The following MYB variants were observed in gnomAD, a reference collection of about 807,000 sequenced individuals.
The protein encoded by MYB is transcriptional activator Myb.
A neutral mutation model predicts 92.9 loss-of-function variants in MYB; 28 were observed. The observed-to-expected ratio is 0.30, with a 90% CI of 0.22 to 0.41. The LOEUF (loss-of-function observed/expected upper bound fraction) is 0.41, where lower values mean the gene tolerates loss of function less well. Ranked by LOEUF, MYB falls within the 10% of genes least tolerant of loss-of-function variation. The pLI, the probability that MYB is intolerant of heterozygous loss-of-function variation, is 1.00. For synonymous variants in MYB, 295 were observed against 329.1 expected, an observed-to-expected ratio of 0.90 and a Z score of 1.12; for missense variants, 679 against 929.3, an observed-to-expected ratio of 0.73 and a Z score of 3.50.
At chr6:135,194,797 G>A (rs1416034471) in intron 8 of MYB, 1 of 720,006 alleles carries the variant, frequency 1.4e-6, no homozygotes, top group Non-Finnish European at 2.1e-6. Flanking sequence ...TATCTATATG[G>A]TACCATTTTG....
At position 135,182,208 on chromosome 6, in the gene MYB, G is replaced by A. The variant is rs1260669109; in HGVS notation, c.23+672G>A. Among the ~76,000 whole-genome samples, 3 of 152,200 alleles carry A rather than the reference G, an allele frequency of 2.0e-5. No homozygotes were observed. The highest frequency in any genetic ancestry group is 7.2e-5 in the African/African-American group (3 of 41,452). ...CATTGCACGCGCACCCACACGCGCC[G>A]CCGTCGCACATGTCACTGCACTTAG... On this transcript the variant is annotated intron_variant, in intron 1 of 15. Coordinates refer to ENST00000341911, the MANE Select transcript of MYB (RefSeq NM_001130173.2). The surrounding 1 kb of genome is among the most constrained non-coding windows in gnomAD (Gnocchi z 5.6).
At chr6:135,207,394 T>C (rs907783206) in intron 15 of MYB, among the ~76,000 whole-genome samples, 3 of 152,236 alleles carry the variant, frequency 2.0e-5, no homozygotes, top group Non-Finnish European at 2.9e-5. Flanking sequence ...CTAAATAACT[T>C]AGGTTCAAGA....
At chr6:135,205,199 C>T (rs181528688) in intron 15 of MYB, among the ~76,000 whole-genome samples, 1 of 151,308 alleles carries the variant, frequency 6.6e-6, no homozygotes, top group Non-Finnish European at 1.5e-5. Flanking sequence ...TTCCTGAAAG[C>T]TGTTCTTAGG....
At chr6:135,196,765 C>T in intron 9 of MYB, 196 bp from the exon 10 acceptor site, 1 of 1,530,014 alleles carries the variant, frequency 6.5e-7, no homozygotes, top group South Asian at 1.2e-5. Context: ...CATCAGAGGG[C>T]CAGCCTTGAG....
chr6:135,201,670 T>A lies in MYB; in HGVS notation c.1982T>A (p.Phe661Tyr), dbSNP rs771972764. The change falls in exon 14 of 16, where the codon TTC (phenylalanine) becomes TAC (tyrosine). Residue 661 changes from phenylalanine (F) to tyrosine (Y), a missense_variant. Phe to Tyr is a conservative substitution (Grantham distance 22). Around this residue, in one of 8 missense-constraint regions of MYB, gnomAD observed 402 missense variants for 434.2 expected, o/e 0.93. Coordinates refer to ENST00000341911, the MANE Select transcript of MYB (RefSeq NM_001130173.2). ...TCTCCAACTGATAAATCAGGAAACT[T>A]CTTCTGCTCACACCACTGGGAAGGG... The part of the protein sequence containing the change: ...VESPTDKSGN[F>Y]FCSHHWEGDS... The A allele has an allele frequency of 6.9e-6, 11 of 1,603,952 alleles. No homozygotes were observed. Among genetic ancestry groups the A allele is most frequent in the African/African-American group, 1.3e-5 (1 of 74,374 alleles).
At chr6:135,211,220 C>G (rs2128317872) in intron 15 of MYB, among the ~76,000 whole-genome samples, 1 of 149,722 alleles carries the variant, frequency 6.7e-6, no homozygotes, top group East Asian at 1.9e-4. Context: ...CCCCTGGATG[C>G]CTGCACACTC....
chr6:135,185,535 T>C (rs917466787), intron 1 of MYB, among the ~76,000 whole-genome samples: 2 of 152,256 alleles, frequency 1.3e-5, no homozygotes, highest in African/African-American at 2.4e-5. Context: ...TGCACTTATA[T>C]AAAGGACATG....
In MYB at chr6:135,196,735, G is replaced by GCTT. The variant is rs1777371106; in HGVS notation, c.1204-226_1204-225insCTT. 4.0e-6 allele frequency: 6 copies of GCTT among 1,505,136 alleles called. No homozygotes were observed. In the African/African-American group the frequency reaches 8.3e-5, roughly 21 times the overall value. 93.2% of individuals were successfully genotyped at this position (1,505,136 alleles called of 1,614,324 possible). A position where few individuals can be genotyped will look rare whatever the true frequency, so the allele number is the denominator to read the frequency against. On this transcript the variant is annotated intron_variant, in intron 9 of 15. Coordinates refer to ENST00000341911, the MANE Select transcript of MYB (RefSeq NM_001130173.2). ...TTTCCATTGCATGCAGATGTAGAGT[G>GCTT]TCGGGAGGTCCCTGCAGCACATCAG...
At chr6:135,212,813 CAA>C (rs1289247382) in intron 15 of MYB, among the ~76,000 whole-genome samples, 1 of 152,156 alleles carries the variant, frequency 6.6e-6, no homozygotes, top group African/African-American at 2.4e-5. Context: ...GGAGAATTTG[CAA>C]AGATATGTAT....
chr6:135,191,811 A>G (rs1342498773), intron 5 of MYB, among the ~76,000 whole-genome samples: 2 of 152,166 alleles, frequency 1.3e-5, no homozygotes, highest in South Asian at 2.1e-4. Context: ...TGGCTTTCAA[A>G]GAGTAGGAGG....
chr6:135,203,957 A>G lies in MYB; in HGVS notation c.2169+633A>G, dbSNP rs200058346. 6 of 1,073,256 alleles carry G rather than the reference A, an allele frequency of 5.6e-6. No individual in the cohort carries two copies. In the East Asian group the frequency reaches 3.7e-4, roughly 67 times the overall value. 66.5% of individuals were successfully genotyped at this position (1,073,256 alleles called of 1,614,324 possible). ...CCAAATTAATCCTGAGCCAAATGTA[A>G]ATAAGAATGCAAATTTTGCTTCCCT... is the stretch of plus-strand genomic sequence containing the variant. On this transcript the variant is annotated intron_variant, in intron 15 of 15. Coordinates refer to ENST00000341911, the MANE Select transcript of MYB (RefSeq NM_001130173.2).
At chr6:135,194,757 A>T (rs1777068741) in intron 8 of MYB, 1 of 609,116 alleles carries the variant, frequency 1.6e-6, no homozygotes, top group African/African-American at 1.9e-5. Flanking sequence ...GATAAAATGA[A>T]TGAAAATCTG....
At chr6:135,209,199 C>A (rs1297677680) in intron 15 of MYB, among the ~76,000 whole-genome samples, 2 of 152,036 alleles carry the variant, frequency 1.3e-5, no homozygotes, top group Non-Finnish European at 2.9e-5. Flanking sequence ...TAAGTCTGTC[C>A]ATTGTTATGT....
chr6:135,215,740 C>T (rs1780343882), intron 15 of MYB, among the ~76,000 whole-genome samples: 1 of 152,056 alleles, frequency 6.6e-6, no homozygotes, highest in African/African-American at 2.4e-5. Context: ...GGATGACATC[C>T]CTGCGTTTCC....
chr6:135,201,535 A>G, intron 13 of MYB, 104 bp from the exon 14 acceptor site: 1 of 627,944 alleles, frequency 1.6e-6, no homozygotes, highest in South Asian at 2.4e-5. Context: ...TTAGCAACAT[A>G]GTTTTATAAA....
chr6:135,195,069 G>A (rs1188020043), intron 8 of MYB: 6 of 1,308,340 alleles, frequency 4.6e-6, no homozygotes, highest in Admixed American at 2.2e-5. Context: ...CAATAAAAGA[G>A]AAGTGATGCC....
intron 7 of MYB, 118 bp from the exon 8 acceptor site, chr6:135,194,238 T>C (rs957497385): frequency 2.7e-6 from 2 of 735,472 alleles, no homozygotes; most frequent in Admixed American, 2.8e-5. Context: ...GTTGGTGGTG[T>C]TGTCACAGTG....
intron 13 of MYB, 43 bp downstream of exon 13, chr6:135,200,458 C>T (rs1352002779): frequency 3.7e-6 from 6 of 1,612,156 alleles, no homozygotes; most frequent in East Asian, 2.2e-5. Flanking sequence ...GAGAATCCTG[C>T]CCCCTTTATT....
intron 6 of MYB, 57 bp from the exon 7 acceptor site, chr6:135,193,781 C>T: frequency 1.6e-6 from 2 of 1,230,278 alleles, no homozygotes; most frequent in Non-Finnish European, 1.2e-6. Flanking sequence ...AAGCCAAGTC[C>T]CCTGAAGCAT....
Sources: gnomAD v4.1 joint callset for allele counts (sites outside exome capture counted in the v4.1 genomes callset) on GRCh38, gnomAD v4.1.1 for gene constraint, gnomAD v4.1.1 regional missense constraint, Gnocchi (gnomAD v3.1) non-coding constraint, MANE v1.5 for transcripts, NCBI Gene and HGNC (gene_info 2026-07-23, HGNC 2026-07-21) for gene names.